Variants in PWWP3B observed in about 807,000 individuals in gnomAD.
The protein encoded by PWWP3B is PWWP domain containing 3B.
A neutral mutation model predicts 15.7 loss-of-function variants in PWWP3B; 5 were observed. The ratio of observed to expected loss-of-function variants is 0.32; its 90% CI spans 0.17 to 0.67. The LOEUF (loss-of-function observed/expected upper bound fraction) is 0.67. Among genes scored for constraint, PWWP3B ranks in the 30% least tolerant of loss-of-function variants. The pLI is 0.74. For synonymous variants in PWWP3B, 203 were observed against 179.8 expected (o/e 1.13, Z -1.03); for missense variants, 519 against 493.1 (o/e 1.05, Z -0.50).
At chrX:106,183,613 G>A (rs1411202491) in intron 2 of PWWP3B, among the ~76,000 whole-genome samples, 1 of 112,290 alleles carries the variant, frequency 8.9e-6, no homozygotes, top group Non-Finnish European at 1.9e-5. Flanking sequence ...CATGTGAAAA[G>A]AGCAAAGTCT....
intron 2 of PWWP3B, among the ~76,000 whole-genome samples, chrX:106,195,222 T>G (rs1020413026): frequency 5.4e-5 from 6 of 112,034 alleles, no homozygotes; most frequent in African/African-American, 1.6e-4. Context: ...AATAATAATC[T>G]TATTATTGAA....
intron 2 of PWWP3B, among the ~76,000 whole-genome samples, chrX:106,195,016 C>T (rs185347597): frequency 8.2e-4 from 92 of 111,609 alleles, no homozygotes; most frequent in African/African-American, 1.6e-3. Flanking sequence ...GAAGTCTGCC[C>T]GTTCTCAGAT....
chrX:106,174,545 G>A lies in PWWP3B; in HGVS notation c.-401+3406G>A, dbSNP rs201040401. On this transcript the variant is annotated intron_variant, in intron 2 of 3. Transcript: ENST00000357175. ...CATACTGAATTGGCAGCTGCAAACC[G>A]CAAAGCACAGGAGCAAGGAATTGCC... Among the ~76,000 whole-genome samples, 13 of 111,860 alleles carry A rather than the reference G, an allele frequency of 1.2e-4. No homozygotes were observed. The East Asian group carries it at 1.7e-3, about 15-fold the overall frequency.
In PWWP3B at chrX:106,187,107, G is replaced by A. The variant is rs529895130; in HGVS notation, c.-401+15968G>A. 5.3e-4 allele frequency among the ~76,000 whole-genome samples: 59 copies of A among 111,709 alleles called. No individual in the cohort carries two copies. The Middle Eastern group carries it at 0.019, about 35-fold the overall frequency. ...CTGTCCTGGTTTTTTTTCTATGGGT[G>A]TCTCAGAGAATGGTGGGATTAAGGG... On this transcript the variant is annotated intron_variant, in intron 2 of 3. Transcript: ENST00000357175.
chrX:106,194,420 G>C (rs1199813483), intron 2 of PWWP3B, among the ~76,000 whole-genome samples: 2 of 111,369 alleles, frequency 1.8e-5, no homozygotes, highest in African/African-American at 6.5e-5. Context: ...CTCTGCATTG[G>C]TTATTCTAGT....
rs749580432 is a variant in PWWP3B at position 106,205,808 on chromosome X, T to C, written c.376T>C (p.Ser126Pro). The C allele has an allele frequency of 1.2e-5, 15 of 1,209,111 alleles. No homozygotes were observed. The South Asian group carries it at 2.6e-4, about 21-fold the overall frequency. Residue 126 changes from serine (S) to proline (P), a missense_variant, in exon 4 of 4, where the codon TCC becomes CCC. By Grantham distance (74) the Ser-to-Pro change is moderately conservative. Coordinates refer to ENST00000357175, the MANE Select transcript of PWWP3B (RefSeq NM_001171020.2). ...GTCTCAAAATGTACCACAAAAACAG[T>C]CCGATTCACCCCCTCATAAAAAATA... ...MLSQNVPQKQ[S>P]DSPPHKKYRK...
At chrX:106,190,975 G>A (rs1270577081) in intron 2 of PWWP3B, among the ~76,000 whole-genome samples, 1 of 111,316 alleles carries the variant, frequency 9.0e-6, no homozygotes, top group African/African-American at 3.3e-5. Flanking sequence ...AAGTCAGGTG[G>A]CGTGATGCCT....
At chrX:106,200,587 A>G (rs1407438023) in intron 2 of PWWP3B, among the ~76,000 whole-genome samples, 2 of 111,817 alleles carry the variant, frequency 1.8e-5, no homozygotes, top group Non-Finnish European at 3.8e-5. Flanking sequence ...AGTGATAATT[A>G]CAATTGACTT....
At chrX:106,200,747 A>C in intron 2 of PWWP3B, among the ~76,000 whole-genome samples, 1 of 111,826 alleles carries the variant, frequency 8.9e-6, no homozygotes, top group Non-Finnish European at 1.9e-5. Context: ...AAACAACAAA[A>C]CATAAGAAAC....
chrX:106,207,789 G>C lies in PWWP3B; in HGVS notation c.*266G>C, dbSNP rs763824405. On this transcript the variant is annotated 3_prime_UTR_variant, in exon 4 of 4. Transcript: ENST00000357175. ...GAAAGCATAATTCCTAAATGATTTT[G>C]AAGGGAAAGTACTATTTTGTTTTAT... The C allele has an allele frequency of 4.9e-5, 13 of 266,187 alleles. No individual in the cohort carries two copies. The highest frequency in any genetic ancestry group is 8.3e-5 in the Non-Finnish European group (12 of 145,017). 21.9% of individuals were successfully genotyped at this position (266,187 alleles called of 1,213,427 possible). A position where few individuals can be genotyped will look rare whatever the true frequency, so the allele number is the denominator to read the frequency against.
In PWWP3B at chrX:106,208,793, C is replaced by T. The variant is rs755938762; in HGVS notation, c.*1270C>T. 3.3e-5 allele frequency: 4 copies of T among 123,065 alleles called. No individual in the cohort carries two copies. The highest frequency in any genetic ancestry group is 4.5e-3 in the Middle Eastern group (1 of 220). 10.1% of individuals were successfully genotyped at this position (123,065 alleles called of 1,213,427 possible). ...AAGTTAGTTTATTTTGGAAACCTGC[C>T]GTGAAAGGAAATTCTAAAGGCTTAA... On this transcript the variant is annotated 3_prime_UTR_variant, in exon 4 of 4. Coordinates refer to ENST00000357175, the MANE Select transcript of PWWP3B (RefSeq NM_001171020.2).
intron 2 of PWWP3B, among the ~76,000 whole-genome samples, chrX:106,194,632 T>C (rs959787877): frequency 1.3e-4 from 14 of 111,895 alleles, no homozygotes; most frequent in African/African-American, 3.9e-4. Flanking sequence ...TTTTAGAGTT[T>C]CCAGTTTTTC....
chrX:106,196,036 A>C (rs1923357204), intron 2 of PWWP3B, among the ~76,000 whole-genome samples: 1 of 111,969 alleles, frequency 8.9e-6, no homozygotes, highest in Non-Finnish European at 1.9e-5. Flanking sequence ...AGTATTTCCC[A>C]GTTTTTGATG....
At chrX:106,192,343 T>C (rs1357795399) in intron 2 of PWWP3B, among the ~76,000 whole-genome samples, 1 of 112,086 alleles carries the variant, frequency 8.9e-6, no homozygotes, top group Admixed American at 9.4e-5. Flanking sequence ...GTGTTTATAG[T>C]ATTCTCTGAT....
At chrX:106,202,735 A>G (rs934445841) in intron 2 of PWWP3B, among the ~76,000 whole-genome samples, 2 of 112,384 alleles carry the variant, frequency 1.8e-5, no homozygotes, top group Non-Finnish European at 3.7e-5. Flanking sequence ...CATCTGTACA[A>G]TGAAATACTA....
Position 106,206,893 on chromosome X carries a change from C to T in PWWP3B, c.1461C>T (p.Gly487=). ...RVRIGCGSFT[G]SLLEYYAADI... ...GAATAGGTTGTGGTTCTTTCACGGG[C>T]TCTTTGCTTGAGTATTATGCTGCTG... The change falls in exon 4 of 4, where the codon GGC becomes GGT. Residue 487 remains glycine (G), a synonymous_variant. Transcript: ENST00000357175. 1.7e-6 allele frequency: 2 copies of T among 1,210,685 alleles called. No individual in the cohort carries two copies. The highest frequency in any genetic ancestry group is 3.0e-5 in the East Asian group (1 of 33,841).
At chrX:106,173,482 G>A (rs1019114266) in intron 2 of PWWP3B, among the ~76,000 whole-genome samples, 1 of 110,091 alleles carries the variant, frequency 9.1e-6, no homozygotes, top group African/African-American at 3.3e-5. Context: ...TATTCTCATC[G>A]TCTACCTTCA....
Position 106,196,261 on chromosome X carries a change from G to A in PWWP3B, c.-400-7724G>A, listed in dbSNP as rs745945568. Among the ~76,000 whole-genome samples, 9 of 111,044 alleles carry A rather than the reference G, an allele frequency of 8.1e-5. No individual in the cohort carries two copies. The South Asian group carries it at 1.5e-3, about 19-fold the overall frequency. On this transcript the variant is annotated intron_variant, in intron 2 of 3. Coordinates refer to ENST00000357175, the MANE Select transcript of PWWP3B (RefSeq NM_001171020.2). ...AATTTTACTTCTTCCCTTCCAATCC[G>A]TACATAATTTATTTATTTTTCAGGC...
Position 106,205,845 on chromosome X carries a change from A to G in PWWP3B, c.413A>G (p.Glu138Gly). The G allele has an allele frequency of 8.3e-7, 1 of 1,211,618 alleles. No individual in the cohort carries two copies. Residue 138 changes from glutamate to glycine, a missense_variant, in exon 4 of 4, where the codon GAA (glutamate) becomes GGA (glycine). Glu to Gly is a moderately conservative substitution (Grantham distance 98, BLOSUM62 -2). Coordinates refer to ENST00000357175, the MANE Select transcript of PWWP3B (RefSeq NM_001171020.2). ...CCTCATAAAAAATACCGGAAGGATG[A>G]AGGTGACTTACCAGGGTGTCTTGAG... The part of the protein sequence containing the change: ...SPPHKKYRKD[E>G]GDLPGCLEER...
Sources: allele counts gnomAD v4.1 joint callset (sites outside exome capture counted in the v4.1 genomes callset), GRCh38; gene constraint gnomAD v4.1.1; transcripts MANE v1.5; gene names NCBI Gene and HGNC (gene_info 2026-07-23, HGNC 2026-07-21).